The following ZNF709 variants were observed in gnomAD, a reference collection of about 807,000 sequenced individuals.
The protein encoded by ZNF709 is zinc finger protein 709.
Under a neutral mutation model 10.6 loss-of-function variants are expected in ZNF709, and 15 were observed. The ratio of observed to expected loss-of-function variants is 1.41; its 90% CI spans 0.95 to 2.18. The LOEUF (loss-of-function observed/expected upper bound fraction) is 2.18, where lower values mean the gene tolerates loss of function less well. Ranked by LOEUF, ZNF709 falls within the 30% of genes most tolerant of loss-of-function variation. The pLI is 0.00. For missense variants in ZNF709, 589 were observed against 774.0 expected (o/e 0.76, Z 2.84); for synonymous variants, 194 against 238.8 (o/e 0.81, Z 1.73).
intron 1 of ZNF709, among the ~76,000 whole-genome samples, chr19:12,475,507 G>T (rs1372932985): frequency 6.6e-6 from 1 of 152,054 alleles, no homozygotes; most frequent in Non-Finnish European, 1.5e-5. Flanking sequence ...AAAAAGCTAT[G>T]GGCAAAATCC....
intron 1 of ZNF709, among the ~76,000 whole-genome samples, chr19:12,467,183 G>A (rs1181198939): frequency 6.6e-6 from 1 of 152,168 alleles, no homozygotes; most frequent in Non-Finnish European, 1.5e-5. Context: ...TCCCTCTGAT[G>A]CAGAGCCGAA....
chr19:12,477,232 G>A (rs1167462067), intron 1 of ZNF709, among the ~76,000 whole-genome samples: 2 of 152,162 alleles, frequency 1.3e-5, no homozygotes, highest in African/African-American at 4.8e-5. Context: ...CGAGAAGCAC[G>A]GGGAATAATC....
In ZNF709 at chr19:12,464,939, C is replaced by A. The variant is rs201182032; in HGVS notation, c.983G>T (p.Arg328Ile). The A allele has an allele frequency of 4.9e-5, 79 of 1,604,258 alleles. No individual in the cohort carries two copies. The highest frequency in any genetic ancestry group is 6.4e-5 in the Non-Finnish European group (75 of 1,177,102). Residue 328 changes from arginine (R) to isoleucine (I), a missense_variant, in exon 4 of 4, where the codon AGA becomes ATA. Arg to Ile is a moderately conservative substitution (Grantham distance 97). Coordinates refer to ENST00000397732, the MANE Select transcript of ZNF709 (RefSeq NM_152601.4). ...ATAGGGTTTCTCTCCTGTATGAATTCTTTCATGTTTTCTAAAGGAACTAGG... is the reference window on the plus strand; with the variant it reads ...ATAGGGTTTCTCTCCTGTATGAATTATTTCATGTTTTCTAAAGGAACTAGG... ...SFPSSFRKHE[R>I]IHTGEKPYDC...
In ZNF709 at chr19:12,484,809, C is replaced by T; in HGVS notation, c.-152G>A. On this transcript the variant is annotated 5_prime_UTR_variant, in exon 1 of 4. Coordinates refer to ENST00000397732, the MANE Select transcript of ZNF709 (RefSeq NM_152601.4). The stretch of plus-strand genomic sequence containing the variant: ...GCAGCGGCTGGTAGCCACGCCCTCG[C>T]CGTTTGCGCAGCGCCCCTCCGCCCG... 9.5e-7 allele frequency: 1 copy of T among 1,048,340 alleles called. No individual in the cohort carries two copies. Among genetic ancestry groups the T allele is most frequent in the Non-Finnish European group, 1.4e-6 (1 of 718,932 alleles). The allele number at this position is 1,048,340 out of a possible 1,614,324, so 64.9% of individuals were successfully genotyped here. A position where few individuals can be genotyped will look rare whatever the true frequency, so the allele number is the denominator to read the frequency against.
intron 1 of ZNF709, among the ~76,000 whole-genome samples, chr19:12,468,861 G>A (rs1311697322): frequency 6.7e-6 from 1 of 150,106 alleles, no homozygotes; most frequent in Non-Finnish European, 1.5e-5. Flanking sequence ...TTTTTTTTGA[G>A]ACAGAGTCTT....
intron 1 of ZNF709, among the ~76,000 whole-genome samples, chr19:12,479,868 CA>C (rs573072264): frequency 6.7e-6 from 1 of 149,200 alleles, no homozygotes; most frequent in Non-Finnish European, 1.5e-5. Flanking sequence ...GACTCTGTCT[CA>C]AAAAAAAAGA....
intron 3 of ZNF709, among the ~76,000 whole-genome samples, chr19:12,465,964 A>C (rs965654989): frequency 1.4e-5 from 2 of 147,894 alleles, no homozygotes; most frequent in East Asian, 3.9e-4. Context: ...TTTTTGAGAC[A>C]GAGTCTTACT....
intron 1 of ZNF709, among the ~76,000 whole-genome samples, chr19:12,482,447 C>T (rs149885928): frequency 9.9e-5 from 15 of 152,096 alleles, no homozygotes; most frequent in African/African-American, 3.4e-4. Context: ...ACAGGGAAAT[C>T]GCCCCTTCAA....
At chr19:12,481,153 G>A (rs1224701205) in intron 1 of ZNF709, 1 of 983,418 alleles carries the variant, frequency 1.0e-6, no homozygotes, top group Non-Finnish European at 1.2e-6. Context: ...AAATGTACCT[G>A]AGAATGTAAA....
At chr19:12,483,770 G>A (rs141879331) in intron 1 of ZNF709, among the ~76,000 whole-genome samples, 152 of 152,108 alleles carry the variant, frequency 1.0e-3, no homozygotes, top group African/African-American at 3.0e-3. Flanking sequence ...TCCTAATTAC[G>A]TATATTTTAC....
chr19:12,467,072 T>G lies in ZNF709; in HGVS notation c.4-222A>C, dbSNP rs150766857. 5.6e-3 allele frequency among the ~76,000 whole-genome samples: 858 copies of G among 152,338 alleles called. 6 individuals carry two copies. The highest frequency in any genetic ancestry group is 0.02 in the African/African-American group (821 of 41,584). On this transcript the variant is annotated intron_variant, in intron 1 of 3. Coordinates refer to ENST00000397732, the MANE Select transcript of ZNF709 (RefSeq NM_152601.4). The stretch of plus-strand genomic sequence containing the variant: ...TTTAGTATGATCACTTCAAGTCTTA[T>G]GCTCTCCAATGACAGGATACACAGC...
In ZNF709 at chr19:12,464,751, G is replaced by T; in HGVS notation, c.1171C>A (p.Pro391Thr). The change falls in exon 4 of 4, where the codon CCC becomes ACC. Residue 391 changes from proline to threonine, a missense_variant. Transcript: ENST00000397732. ...TTACCACACTGTTTACATTCATAGG[G>T]TTTCTCTCCAGTGTGAGTTCGTTCA... The part of the protein sequence containing the change: ...IHERTHTGEK[P>T]YECKQCGKAF... 1 of 1,613,598 alleles carries T rather than the reference G, an allele frequency of 6.2e-7. No individual in the cohort carries two copies. The highest frequency in any genetic ancestry group is 8.5e-7 in the Non-Finnish European group (1 of 1,179,762).
chr19:12,481,773 A>T (rs1970729187), intron 1 of ZNF709, among the ~76,000 whole-genome samples: 1 of 152,014 alleles, frequency 6.6e-6, no homozygotes, highest in African/African-American at 2.4e-5. Flanking sequence ...CAGGTGTGAC[A>T]GTGCACACCT....
rs776648817 is a variant in ZNF709, at chr19:12,464,531, C to T, written c.1391G>A (p.Arg464Gln). The T allele has an allele frequency of 1.4e-5, 22 of 1,612,358 alleles. No individual in the cohort carries two copies. The highest frequency in any genetic ancestry group is 1.7e-5 in the Non-Finnish European group (20 of 1,179,306). ...TCCAGTGTGAATTCTTTCATGCATT[C>T]GAAAGGAACTGGAACAACTGAAGGC... ...GKAFSCSSSF[R>Q]MHERIHTGEK... is the part of the protein sequence containing the mutation. The change falls in exon 4 of 4, where the codon CGA becomes CAA. Residue 464 changes from arginine to glutamine, a missense_variant. This residue lies in a region of ZNF709 where 171 missense variants were observed against 277.7 expected (regional missense o/e 0.62). Transcript: ENST00000397732.
rs1322044040 is a variant in ZNF709 at position 12,482,406 on chromosome 19, G to T, written c.3+2249C>A. ...CTGAGGAGCCAAAGGAATGAACTCAGCGAGCTCCACACATTCCCTCACCCC... is the reference window on the plus strand; with the variant it reads ...CTGAGGAGCCAAAGGAATGAACTCATCGAGCTCCACACATTCCCTCACCCC... On this transcript the variant is annotated intron_variant, in intron 1 of 3. Transcript: ENST00000397732. Among the ~76,000 whole-genome samples, 3 of 150,578 alleles carry T rather than the reference G, an allele frequency of 2.0e-5. No homozygotes were observed. The East Asian group carries it at 5.9e-4, about 30-fold the overall frequency.
rs1378115924 is a variant in ZNF709, at chr19:12,464,883, AAATG to A, written c.1035_1038del (p.Ile346LeufsTer9). On this transcript the variant is annotated frameshift_variant, in exon 4 of 4. Transcript: ENST00000397732. LOFTEE classifies it low-confidence loss of function (END_TRUNC). ...ATATGTCTTCGATAGCTTGGAAGAG[AAATG>A]AATGCTTTCCCACATTCCTTACAAT... 6.2e-7 allele frequency: 1 copy of A among 1,613,924 alleles called. No individual in the cohort carries two copies. The highest frequency in any genetic ancestry group is 8.5e-7 in the Non-Finnish European group (1 of 1,179,940).
In ZNF709 at chr19:12,464,310, C is replaced by T; in HGVS notation, c.1612G>A (p.Gly538Ser). ...GAACTGGAACAACTAAACGCCTTAC[C>T]ACACTGTTTACATTCATAGGGTTTC... ...GEKPYECKQC[G>S]KAFSCSSSIR... Residue 538 changes from glycine to serine, a missense_variant, in exon 4 of 4, where the codon GGT becomes AGT. By Grantham distance (56) the Gly-to-Ser change is moderately conservative. Around this residue, in one of 2 missense-constraint regions of ZNF709, gnomAD observed 171 missense variants for 277.7 expected, o/e 0.62. Transcript: ENST00000397732. 6.2e-7 allele frequency: 1 copy of T among 1,608,066 alleles called. No homozygotes were observed. Among genetic ancestry groups the T allele is most frequent in the Non-Finnish European group, 8.5e-7 (1 of 1,177,286 alleles).
intron 1 of ZNF709, among the ~76,000 whole-genome samples, chr19:12,481,957 GAA>G (rs1970730967): frequency 7.1e-6 from 1 of 141,686 alleles, no homozygotes. Context: ...AAGAAAGGAG[GAA>G]GGAAAGGAAG....
At chr19:12,482,226 A>T (rs1479389801) in intron 1 of ZNF709, among the ~76,000 whole-genome samples, 1 of 150,480 alleles carries the variant, frequency 6.6e-6, no homozygotes, top group Non-Finnish European at 1.5e-5. Context: ...CTCCCTCTCA[A>T]GTCAGCTCAG....
Sources: allele counts gnomAD v4.1 joint callset (sites outside exome capture counted in the v4.1 genomes callset), GRCh38; gene constraint gnomAD v4.1.1; regional missense constraint gnomAD v4.1.1; transcripts MANE v1.5; gene names NCBI Gene and HGNC (gene_info 2026-07-23, HGNC 2026-07-21).